MMP26: variants seen among roughly 807,000 people sequenced by gnomAD.
MMP26 encodes matrix metalloproteinase-26.
A neutral mutation model predicts 31.0 loss-of-function variants in MMP26; 33 were observed. The observed-to-expected ratio is 1.06, with a 90% CI of 0.81 to 1.42. MMP26 has a LOEUF of 1.42. Ranked by LOEUF, MMP26 falls within the 40% of genes most tolerant of loss-of-function variation. MMP26 has a pLI of 0.00. For missense variants in MMP26, 347 were observed against 316.1 expected (o/e 1.10, Z -0.74); for synonymous variants, 122 against 114.9 (o/e 1.06, Z -0.40).
intron 2 of MMP26, among the ~76,000 whole-genome samples, chr11:4,810,883 T>C (rs1460497546): frequency 6.6e-6 from 1 of 152,212 alleles, no homozygotes; most frequent in Non-Finnish European, 1.5e-5. Context: ...GGAAAACATA[T>C]AAGCATGCAA....
At chr11:4,711,121 GAT>G (rs1425762174) in intron 1 of MMP26, 1 of 152,218 alleles carries the variant, frequency 6.6e-6, no homozygotes, top group Non-Finnish European at 1.5e-5. Context: ...AGAATGTAAA[GAT>G]ATATTGTGAT....
Position 4,781,552 on chromosome 11 carries a change from T to TCAAA in MMP26, c.-145+14212_-145+14215dup, listed in dbSNP as rs1156590909. On this transcript the variant is annotated intron_variant, in intron 2 of 7. Coordinates refer to ENST00000380390, the MANE Select transcript of MMP26 (RefSeq NM_021801.5). Reference sequence around the variant, plus strand: ...CTGGGCGACAGAGCGAGACTCCGTCTCAAAAAAAAAAAAAAAAAAAAAAAA... The same window carrying TCAAA: ...CTGGGCGACAGAGCGAGACTCCGTCTCAAACAAAAAAAAAAAAAAAAAAAAAAAA... 9.1e-4 allele frequency among the ~76,000 whole-genome samples: 19 copies of TCAAA among 20,910 alleles called. 2 individuals carry two copies. In the African/African-American group the frequency reaches 0.013, roughly 14 times the overall value. 13.7% of individuals were successfully genotyped at this position (20,910 alleles called of 152,430 possible).
intron 2 of MMP26, chr11:4,769,577 G>T (rs113894435): frequency 8.1e-6 from 13 of 1,613,190 alleles, no homozygotes; most frequent in African/African-American, 8.0e-5. Context: ...CAGCACTCCA[G>T]ATTCCATAAA....
intron 1 of MMP26, among the ~76,000 whole-genome samples, chr11:4,764,462 T>C (rs1040783949): frequency 6.6e-6 from 1 of 152,190 alleles, no homozygotes; most frequent in African/African-American, 2.4e-5. Flanking sequence ...CATGACTTGA[T>C]TGGTTAATAC....
intron 2 of MMP26, among the ~76,000 whole-genome samples, chr11:4,784,063 G>A (rs1431117153): frequency 6.6e-6 from 1 of 152,148 alleles, no homozygotes; most frequent in Non-Finnish European, 1.5e-5. Flanking sequence ...TGAAGTGCAG[G>A]CGAGGCTTGG....
chr11:4,872,548 G>A (rs1323657066), intron 2 of MMP26, among the ~76,000 whole-genome samples: 1 of 151,092 alleles, frequency 6.6e-6, no homozygotes, highest in Non-Finnish European at 1.5e-5. Flanking sequence ...AAGGTCAATA[G>A]CAGATAGTTT....
intron 2 of MMP26, among the ~76,000 whole-genome samples, chr11:4,956,372 C>A (rs571740403): frequency 4.6e-5 from 7 of 152,134 alleles, no homozygotes; most frequent in Non-Finnish European, 8.8e-5. Flanking sequence ...TTGGAATAAA[C>A]ATTTGTAGAT....
Position 4,896,524 on chromosome 11 carries a change from A to G in MMP26, c.-144-91544A>G, listed in dbSNP as rs545316048. Among the ~76,000 whole-genome samples the G allele has an allele frequency of 4.6e-5, 7 of 152,322 alleles. No homozygotes were observed. In the South Asian group the frequency reaches 1.4e-3, roughly 32 times the overall value. On this transcript the variant is annotated intron_variant, in intron 2 of 7. Coordinates refer to ENST00000380390, the MANE Select transcript of MMP26 (RefSeq NM_021801.5). The stretch of plus-strand genomic sequence containing the variant: ...GCTATGGTCAGACTGGGATGGACTA[A>G]AAGTTTTGAACTAAACACATCAAAG...
At chr11:4,739,866 A>T (rs1194439129) in intron 1 of MMP26, among the ~76,000 whole-genome samples, 1 of 152,176 alleles carries the variant, frequency 6.6e-6, no homozygotes, top group Middle Eastern at 3.2e-3. Context: ...TTTAATGTTA[A>T]TAGTAAGAAG....
intron 2 of MMP26, among the ~76,000 whole-genome samples, chr11:4,855,176 C>T (rs1004651322): frequency 5.9e-5 from 9 of 152,190 alleles, no homozygotes; most frequent in African/African-American, 2.2e-4. Context: ...CAAAGGAACA[C>T]AGCTCCTCAC....
At chr11:4,712,456 G>C (rs970962609) in intron 1 of MMP26, 2 of 152,006 alleles carry the variant, frequency 1.3e-5, no homozygotes, top group African/African-American at 4.8e-5. Flanking sequence ...GAAAAATATA[G>C]CTCCTAGAAA....
chr11:4,854,552 C>T (rs1850021949), intron 2 of MMP26, among the ~76,000 whole-genome samples: 2 of 152,182 alleles, frequency 1.3e-5, no homozygotes, highest in African/African-American at 4.8e-5. Context: ...AGTAGGTAAA[C>T]AAAGCAGCCT....
At chr11:4,826,507 G>T (rs1170283631) in intron 2 of MMP26, among the ~76,000 whole-genome samples, 3 of 152,068 alleles carry the variant, frequency 2.0e-5, no homozygotes, top group African/African-American at 7.2e-5. Flanking sequence ...TGGAGAACAA[G>T]CTCAGTGGTG....
At chr11:4,765,371 CCTT>C (rs1848616136) in intron 1 of MMP26, among the ~76,000 whole-genome samples, 1 of 152,190 alleles carries the variant, frequency 6.6e-6, no homozygotes, top group African/African-American at 2.4e-5. Context: ...TTCCTTCCTT[CCTT>C]CTCTCTTTAA....
intron 2 of MMP26, chr11:4,924,169 G>C: frequency 6.2e-7 from 1 of 1,614,176 alleles, no homozygotes. Flanking sequence ...TGGGTCCATG[G>C]AGAGTGGCAT....
At chr11:4,723,563 C>T (rs1229012132) in intron 1 of MMP26, 5 of 1,170,040 alleles carry the variant, frequency 4.3e-6, no homozygotes, top group Admixed American at 3.4e-5. Flanking sequence ...TCCAGCTCTA[C>T]CTTGTTCATG....
chr11:4,807,396 A>G (rs1849286048), intron 2 of MMP26, among the ~76,000 whole-genome samples: 1 of 152,334 alleles, frequency 6.6e-6, no homozygotes, highest in South Asian at 2.1e-4. Flanking sequence ...GACTGGATTA[A>G]GAAAATGTGG....
At chr11:4,895,677 C>T (rs1850689381) in intron 2 of MMP26, among the ~76,000 whole-genome samples, 1 of 152,204 alleles carries the variant, frequency 6.6e-6, no homozygotes, top group East Asian at 1.9e-4. Flanking sequence ...TAATCCCAGC[C>T]CTTTGGTAGC....
intron 4 of MMP26, 133 bp from the exon 5 acceptor site, chr11:4,990,465 C>T: frequency 1.3e-6 from 1 of 774,936 alleles, no homozygotes; most frequent in Non-Finnish European, 1.9e-6. Flanking sequence ...CTGAAATTAG[C>T]TCAACTTTAT....
Sources: allele counts gnomAD v4.1 joint callset (sites outside exome capture counted in the v4.1 genomes callset), GRCh38; gene constraint gnomAD v4.1.1; transcripts MANE v1.5; gene names NCBI Gene and HGNC (gene_info 2026-07-23, HGNC 2026-07-21).